IL1R2: variants seen among roughly 807,000 people sequenced by gnomAD.
IL1R2 encodes the protein interleukin-1 receptor type 2.
IL1R2 carries 46 observed loss-of-function variants against 39.5 expected under a neutral mutation model. The ratio of observed to expected loss-of-function variants is 1.16; its 90% confidence interval spans 0.92 to 1.49. IL1R2 has a LOEUF of 1.49. IL1R2 is among the 40% of genes most tolerant of loss of function. The pLI is 0.00. For missense variants in IL1R2, 537 were observed against 502.0 expected (o/e 1.07, Z -0.67); for synonymous variants, 207 against 189.6 (o/e 1.09, Z -0.75).
In IL1R2 at chr2:101,992,854, G is replaced by A. The variant is rs546388464; in HGVS notation, c.-62+843G>A. Among the ~76,000 whole-genome samples, 49 of 152,314 alleles carry A rather than the reference G, an allele frequency of 3.2e-4. 2 individuals are homozygous for A. In the South Asian group the frequency reaches 9.1e-3, roughly 28 times the overall value. On this transcript the variant is annotated intron_variant, in intron 1 of 8. Coordinates refer to ENST00000332549, the MANE Select transcript of IL1R2 (RefSeq NM_004633.4). ...CTCTCCGGATTTCTCCAGACCTCAGGAACCTGATCCGGGTGACCTTCCTTG... is the reference window on the plus strand; with the variant it reads ...CTCTCCGGATTTCTCCAGACCTCAGAAACCTGATCCGGGTGACCTTCCTTG...
intron 6 of IL1R2, chr2:102,023,373 A>G (rs1464769225): frequency 6.6e-6 from 1 of 152,266 alleles, no homozygotes; most frequent in Non-Finnish European, 1.5e-5. Flanking sequence ...CTGGAGCCCC[A>G]GTGTTCTGGC....
chr2:101,995,715 T>C (rs1675554456), intron 1 of IL1R2, among the ~76,000 whole-genome samples: 1 of 152,208 alleles, frequency 6.6e-6, no homozygotes, highest in African/African-American at 2.4e-5. Flanking sequence ...CATGAGCTGA[T>C]TTCTTGCTCA....
intron 5 of IL1R2, among the ~76,000 whole-genome samples, 176 bp downstream of exon 5, chr2:102,019,988 G>T (rs1167164516): frequency 6.6e-6 from 1 of 152,202 alleles, no homozygotes; most frequent in Non-Finnish European, 1.5e-5. Flanking sequence ...TACTTTGAAA[G>T]GTATAAATCA....
Position 101,992,456 on chromosome 2 carries a change from C to T in IL1R2, c.-62+445C>T, listed in dbSNP as rs146030238. On this transcript the variant is annotated intron_variant, in intron 1 of 8. Transcript: ENST00000332549. The stretch of plus-strand genomic sequence containing the variant: ...AGAGACACAGAGAGAGGTAGAGAGA[C>T]GGAGACAGACAGAGAGACAGAGAGA... Among the ~76,000 whole-genome samples the T allele has an allele frequency of 4.6e-3, 568 of 124,680 alleles. 5 individuals carry two copies. Among genetic ancestry groups the T allele is most frequent in the African/African-American group, 0.014 (447 of 31,662 alleles). The allele number at this position is 124,680 out of a possible 152,430, so 81.8% of individuals were successfully genotyped here.
At chr2:102,006,209 T>A (rs1371415136) in intron 1 of IL1R2, among the ~76,000 whole-genome samples, 1 of 152,154 alleles carries the variant, frequency 6.6e-6, no homozygotes, top group African/African-American at 2.4e-5. Context: ...TAGTTGGGGA[T>A]GTGATAAGCT....
chr2:102,014,787 ATTATATTT>A (rs896243725), intron 3 of IL1R2, among the ~76,000 whole-genome samples: 20 of 151,728 alleles, frequency 1.3e-4, no homozygotes, highest in Non-Finnish European at 2.2e-4. Context: ...AGCTGAGATA[ATTATATTT>A]TTATATTTTT....
At chr2:102,002,119 C>G (rs1675893123) in intron 1 of IL1R2, 1 of 152,238 alleles carries the variant, frequency 6.6e-6, no homozygotes. Flanking sequence ...GTTACTCCTT[C>G]TACATGCTGG....
chr2:101,995,135 G>T (rs571135818), intron 1 of IL1R2, among the ~76,000 whole-genome samples: 3 of 152,266 alleles, frequency 2.0e-5, no homozygotes, highest in African/African-American at 7.2e-5. Flanking sequence ...TTGACTTGAA[G>T]TTAATAAAAA....
chr2:102,017,595 T>C (rs1367791083), intron 4 of IL1R2, among the ~76,000 whole-genome samples: 1 of 152,196 alleles, frequency 6.6e-6, no homozygotes, highest in Non-Finnish European at 1.5e-5. Context: ...TGGAATCAAG[T>C]TGTCTCCTGG....
At chr2:102,024,503 A>C (rs781575203) in intron 6 of IL1R2, 30 bp from the exon 7 acceptor site, 3 of 1,562,688 alleles carry the variant, frequency 1.9e-6, no homozygotes, top group Non-Finnish European at 8.8e-7. Flanking sequence ...CTGGTTCTGC[A>C]GTTGACGTGC....
chr2:102,026,047 A>G (rs1474046415), intron 7 of IL1R2, 64 bp from the exon 8 acceptor site: 4 of 1,319,826 alleles, frequency 3.0e-6, no homozygotes, highest in Non-Finnish European at 4.3e-6. Flanking sequence ...TTAGATGTCT[A>G]CATTGTGAAA....
intron 2 of IL1R2, 31 bp downstream of exon 2, chr2:102,008,673 G>C (rs916478840): frequency 1.2e-5 from 19 of 1,584,388 alleles, no homozygotes; most frequent in Non-Finnish European, 1.6e-5. Flanking sequence ...ATGCAAAAAG[G>C]CTTGCCTGTA....
At chr2:102,027,357 C>A (rs1004806770) in intron 8 of IL1R2, among the ~76,000 whole-genome samples, 5 of 152,100 alleles carry the variant, frequency 3.3e-5, no homozygotes, top group African/African-American at 1.2e-4. Context: ...GCCCAAGGAA[C>A]CTGTGGTTTG....
At chr2:102,011,803 A>G (rs1676654783) in intron 3 of IL1R2, among the ~76,000 whole-genome samples, 1 of 152,164 alleles carries the variant, frequency 6.6e-6, no homozygotes, top group Non-Finnish European at 1.5e-5. Flanking sequence ...CTGTGCTTTT[A>G]GTGTTAAGAA....
At chr2:102,018,484 G>A (rs1032728887) in intron 4 of IL1R2, among the ~76,000 whole-genome samples, 5 of 152,228 alleles carry the variant, frequency 3.3e-5, no homozygotes, top group African/African-American at 9.7e-5. Flanking sequence ...TGTGTATGAA[G>A]CACCCGGTGC....
intron 3 of IL1R2, among the ~76,000 whole-genome samples, 191 bp from the exon 4 acceptor site, chr2:102,015,680 G>C (rs1676949325): frequency 6.6e-6 from 1 of 152,166 alleles, no homozygotes. Flanking sequence ...TCTATTGAAT[G>C]CTTGTTGTGT....
chr2:102,009,653 G>A lies in IL1R2; in HGVS notation c.159G>A (p.Val53=), dbSNP rs1010640483. The part of the protein sequence containing the change: ...GEPVALRCPQ[V]PYWLWASVSP... ...CTGTAGCCCTGAGGTGCCCCCAGGT[G>A]CCCTACTGGTTGTGGGCCTCTGTCA... is the stretch of plus-strand genomic sequence containing the variant. The change falls in exon 3 of 9, where the codon GTG becomes GTA. Residue 53 remains valine, a synonymous_variant. Coordinates refer to ENST00000332549, the MANE Select transcript of IL1R2 (RefSeq NM_004633.4). The A allele has an allele frequency of 1.9e-6, 3 of 1,614,210 alleles. No homozygotes were observed. The highest frequency in any genetic ancestry group is 2.5e-6 in the Non-Finnish European group (3 of 1,180,030).
chr2:102,021,470 C>A (rs991310363), intron 5 of IL1R2, among the ~76,000 whole-genome samples: 1 of 152,146 alleles, frequency 6.6e-6, no homozygotes, highest in Non-Finnish European at 1.5e-5. Flanking sequence ...CTTACGCCAC[C>A]AAGCCCAGCT....
In IL1R2 at chr2:102,022,240, GC is replaced by G; in HGVS notation, c.743del (p.Ala248ValfsTer7). Reference sequence around the variant, plus strand: ...CATTTCCCCCCTCAAGACCATATCAGCTTCTCTGGGTAAGGCCCACAAGGAC... The same window carrying G: ...CATTTCCCCCCTCAAGACCATATCAGTTCTCTGGGTAAGGCCCACAAGGAC... The part of the protein sequence containing the change: ...VIISPLKTIS[A>X]SLGSRLTIPC... On this transcript the variant is annotated frameshift_variant, in exon 6 of 9. Transcript: ENST00000332549. LOFTEE classifies it high-confidence loss of function. 1 of 1,613,562 alleles carries G rather than the reference GC, an allele frequency of 6.2e-7. No homozygotes were observed. Among genetic ancestry groups the G allele is most frequent in the Non-Finnish European group, 8.5e-7 (1 of 1,179,476 alleles).
Sources: allele counts gnomAD v4.1 joint callset (sites outside exome capture counted in the v4.1 genomes callset), GRCh38; gene constraint gnomAD v4.1.1; transcripts MANE v1.5; gene names NCBI Gene and HGNC (gene_info 2026-07-23, HGNC 2026-07-21).